VPS41: variants seen among roughly 807,000 people sequenced by gnomAD.
The protein encoded by VPS41 is vacuolar protein sorting-associated protein 41 homolog.
In VPS41, 85 loss-of-function variants were observed where a neutral mutation model predicts 130.9. That is an observed-to-expected ratio of 0.65 (90% confidence interval 0.55 to 0.78). The LOEUF is 0.78. Ranked by LOEUF, VPS41 falls within the 30% of genes least tolerant of loss-of-function variation. The pLI, the probability that VPS41 is intolerant of heterozygous loss-of-function variation, is 0.00. For missense variants in VPS41, 874 were observed against 1,018.7 expected (o/e 0.86, Z 1.93); for synonymous variants, 335 against 332.9 (o/e 1.01, Z -0.07).
At position 38,739,852 on chromosome 7, in the gene VPS41, A is replaced by G. The variant is rs79879470; in HGVS notation, c.2259+2133T>C. ...CCGAACTACATACTTACATATCTTA[A>G]GGAAAAGCTCTAATTAAGAAAAAAT... On this transcript the variant is annotated intron_variant, in intron 25 of 28. Transcript: ENST00000310301. 3.4e-3 allele frequency among the ~76,000 whole-genome samples: 516 copies of G among 152,344 alleles called. 3 individuals are homozygous for G. Among genetic ancestry groups the G allele is most frequent in the African/African-American group, 0.012 (497 of 41,586 alleles).
At chr7:38,857,048 G>A (rs1219725922) in intron 4 of VPS41, among the ~76,000 whole-genome samples, 3 of 152,214 alleles carry the variant, frequency 2.0e-5, no homozygotes, top group Non-Finnish European at 1.5e-5. Context: ...AGACACAATG[G>A]TTAGATGGAC....
chr7:38,861,425 T>A (rs1415661950), intron 4 of VPS41, among the ~76,000 whole-genome samples: 1 of 152,192 alleles, frequency 6.6e-6, no homozygotes, highest in Non-Finnish European at 1.5e-5. Flanking sequence ...TCAAGATGCA[T>A]GTCCAGTGTC....
At chr7:38,870,823 TAA>T (rs11355704) in intron 2 of VPS41, among the ~76,000 whole-genome samples, 24,636 of 96,104 alleles carry the variant, frequency 0.26, 3,139 homozygotes, top group Admixed American at 0.5. Context: ...TCTAATCTGT[TAA>T]AAAAAAAAAA....
intron 6 of VPS41, 46 bp from the exon 7 acceptor site, chr7:38,817,928 A>G: frequency 6.8e-7 from 1 of 1,474,444 alleles, no homozygotes; most frequent in South Asian, 1.1e-5. Flanking sequence ...GTCATGGCCA[A>G]TGCACAGAAT....
chr7:38,872,254 G>T (rs771215210), intron 2 of VPS41, among the ~76,000 whole-genome samples: 1 of 152,198 alleles, frequency 6.6e-6, no homozygotes, highest in Non-Finnish European at 1.5e-5. Flanking sequence ...TGATCAAGCA[G>T]CCCTGTGGAG....
chr7:38,743,527 C>A lies in VPS41; in HGVS notation c.1997G>T (p.Ser666Ile). ...CATAATCATCTTCAGGGCACTTCGGCTATTACCCATTCGGCCTTGGTGGGG... is the reference window on the plus strand; with the variant it reads ...CATAATCATCTTCAGGGCACTTCGGATATTACCCATTCGGCCTTGGTGGGG... ...TVYLLSRMGN[S>I]RSALKMIMEE... Residue 666 changes from serine (S) to isoleucine (I), a missense_variant, in exon 24 of 29, where the codon AGC (serine) becomes ATC (isoleucine). By Grantham distance (142) the Ser-to-Ile change is moderately radical. Transcript: ENST00000310301. 6.2e-7 allele frequency: 1 copy of A among 1,613,752 alleles called. No homozygotes were observed.
At chr7:38,890,982 G>C (rs181691977) in intron 2 of VPS41, among the ~76,000 whole-genome samples, 1 of 150,852 alleles carries the variant, frequency 6.6e-6, no homozygotes, top group East Asian at 2.0e-4. Flanking sequence ...GTGAATATAC[G>C]GTTATTTCAA....
chr7:38,756,712 A>C (rs1289800765), intron 19 of VPS41, 126 bp downstream of exon 19: 1 of 686,314 alleles, frequency 1.5e-6, no homozygotes, highest in Non-Finnish European at 2.3e-6. Flanking sequence ...GAGTGTTCTA[A>C]AGATTGTCGG....
At chr7:38,768,810 T>G (rs1784099813) in intron 14 of VPS41, among the ~76,000 whole-genome samples, 1 of 152,104 alleles carries the variant, frequency 6.6e-6, no homozygotes, top group African/African-American at 2.4e-5. Context: ...TCCTCTTCCT[T>G]TTATATCAAC....
At chr7:38,875,071 A>C (rs1438354701) in intron 2 of VPS41, among the ~76,000 whole-genome samples, 1 of 152,184 alleles carries the variant, frequency 6.6e-6, no homozygotes, top group Non-Finnish European at 1.5e-5. Context: ...ATAAATTTTT[A>C]AGAGCATAAT....
intron 22 of VPS41, 70 bp from the exon 23 acceptor site, chr7:38,745,683 T>C: frequency 1.7e-6 from 2 of 1,200,304 alleles, no homozygotes; most frequent in South Asian, 2.6e-5. Flanking sequence ...TAAAGTCATT[T>C]AAACTTACAC....
At chr7:38,773,982 G>T in intron 12 of VPS41, 133 bp downstream of exon 12, 2 of 839,522 alleles carry the variant, frequency 2.4e-6, no homozygotes, top group Non-Finnish European at 3.5e-6. Flanking sequence ...CTTGTTTTCA[G>T]CACACACAGT....
At chr7:38,728,494 C>G in intron 27 of VPS41, 48 bp downstream of exon 27, 1 of 1,606,410 alleles carries the variant, frequency 6.2e-7, no homozygotes, top group Non-Finnish European at 8.5e-7. Context: ...TGATTCCACT[C>G]ATCATTAAAA....
At chr7:38,847,305 T>A (rs1584425363) in intron 4 of VPS41, among the ~76,000 whole-genome samples, 1 of 149,798 alleles carries the variant, frequency 6.7e-6, no homozygotes, top group Non-Finnish European at 1.5e-5. Context: ...AAAAAAAAAA[T>A]ACAGCATCCT....
chr7:38,887,511 A>G (rs1286487412), intron 2 of VPS41, among the ~76,000 whole-genome samples: 2 of 152,230 alleles, frequency 1.3e-5, no homozygotes, highest in African/African-American at 2.4e-5. Context: ...CAACACCTCC[A>G]AGAAATATGG....
At chr7:38,736,697 G>C (rs566021471) in intron 25 of VPS41, among the ~76,000 whole-genome samples, 15 of 152,286 alleles carry the variant, frequency 9.8e-5, no homozygotes, top group African/African-American at 3.4e-4. Flanking sequence ...TTTATCCAGA[G>C]ATAACATAAA....
At chr7:38,754,655 C>T (rs376595981) in intron 21 of VPS41, 47 bp downstream of exon 21, 5 of 1,512,388 alleles carry the variant, frequency 3.3e-6, no homozygotes, top group East Asian at 2.3e-5. Context: ...AGGTGATTCA[C>T]CCACTGGTCA....
At chr7:38,877,874 C>T (rs1786523912) in intron 2 of VPS41, among the ~76,000 whole-genome samples, 1 of 152,210 alleles carries the variant, frequency 6.6e-6, no homozygotes, top group Non-Finnish European at 1.5e-5. Context: ...CTCCCACCAA[C>T]CCTCTGTGCC....
chr7:38,907,701 A>G (rs546782217), intron 1 of VPS41, among the ~76,000 whole-genome samples: 2 of 152,342 alleles, frequency 1.3e-5, no homozygotes, highest in East Asian at 3.9e-4. Context: ...AATATTTCAT[A>G]GGTTTTTTTC....
Sources: allele counts gnomAD v4.1 joint callset (sites outside exome capture counted in the v4.1 genomes callset), GRCh38; gene constraint gnomAD v4.1.1; transcripts MANE v1.5; gene names NCBI Gene and HGNC (gene_info 2026-07-23, HGNC 2026-07-21).